NSMCE2: variants seen among roughly 807,000 people sequenced by gnomAD.
NSMCE2 encodes the protein NSE2 SUMO ligase component of SMC5/6 complex.
NSMCE2 carries 24 observed loss-of-function variants against 23.8 expected under a neutral mutation model. The ratio of observed to expected loss-of-function variants is 1.01; its 90% CI spans 0.73 to 1.42. The LOEUF (loss-of-function observed/expected upper bound fraction) is 1.42. NSMCE2 is among the 40% of genes most tolerant of loss of function. NSMCE2 has a pLI of 0.00. For missense variants in NSMCE2, 284 were observed against 296.5 expected (o/e 0.96, Z 0.31); for synonymous variants, 92 against 94.1 (o/e 0.98, Z 0.13).
chr8:125,314,175 C>A (rs1329842993), intron 5 of NSMCE2, among the ~76,000 whole-genome samples: 1 of 152,190 alleles, frequency 6.6e-6, no homozygotes, highest in Admixed American at 6.5e-5. Context: ...AAGCAGCAGG[C>A]CAATTCCTCC....
At chr8:125,216,722 A>T (rs1181755779) in intron 5 of NSMCE2, among the ~76,000 whole-genome samples, 1 of 151,456 alleles carries the variant, frequency 6.6e-6, no homozygotes, top group Non-Finnish European at 1.5e-5. Context: ...TGTCTGAAAA[A>T]TCTCCTGCTT....
In NSMCE2 at chr8:125,304,958, A is replaced by AG. The variant is rs1342639304; in HGVS notation, c.419-52260dup. The stretch of plus-strand genomic sequence containing the variant: ...AAGAAAGGAAGGAAGGAAGGAAGGA[A>AG]GAAAGAAAGAAAAAGGAAAGGAAAG... On this transcript the variant is annotated intron_variant, in intron 5 of 7. Transcript: ENST00000287437. Among the ~76,000 whole-genome samples, 73 of 26,528 alleles carry AG rather than the reference A, an allele frequency of 2.8e-3. No individual in the cohort carries two copies. In the African/African-American group the frequency reaches 0.034, roughly 12 times the overall value. The allele number at this position is 26,528 out of a possible 152,430, so 17.4% of individuals were successfully genotyped here. A position where few individuals can be genotyped will look rare whatever the true frequency, so the allele number is the denominator to read the frequency against.
At chr8:125,144,485 C>T (rs1321272589) in intron 3 of NSMCE2, among the ~76,000 whole-genome samples, 1 of 152,188 alleles carries the variant, frequency 6.6e-6, no homozygotes, top group Non-Finnish European at 1.5e-5. Context: ...AGACCTTAGA[C>T]AATGCTGGAA....
intron 5 of NSMCE2, among the ~76,000 whole-genome samples, chr8:125,349,287 C>T (rs1230230514): frequency 3.9e-5 from 6 of 152,124 alleles, no homozygotes; most frequent in African/African-American, 1.4e-4. Context: ...TAGCGTGACC[C>T]CCAAATTTTC....
chr8:125,184,568 T>C (rs1822999948), intron 5 of NSMCE2, among the ~76,000 whole-genome samples: 1 of 152,064 alleles, frequency 6.6e-6, no homozygotes, highest in Non-Finnish European at 1.5e-5. Context: ...TTTTAAAAAG[T>C]TTTTAGATTT....
At chr8:125,330,783 C>T (rs921222466) in intron 5 of NSMCE2, among the ~76,000 whole-genome samples, 5 of 152,156 alleles carry the variant, frequency 3.3e-5, no homozygotes, top group Non-Finnish European at 5.9e-5. Flanking sequence ...GATCACCCAA[C>T]ATTGCCTCCC....
chr8:125,216,047 A>G (rs964866404), intron 5 of NSMCE2, among the ~76,000 whole-genome samples: 1 of 152,062 alleles, frequency 6.6e-6, no homozygotes, highest in Non-Finnish European at 1.5e-5. Context: ...GCAAGACTAT[A>G]TCTGTCTCTT....
At chr8:125,164,605 A>G (rs1210423770) in intron 4 of NSMCE2, among the ~76,000 whole-genome samples, 1 of 152,208 alleles carries the variant, frequency 6.6e-6, no homozygotes, top group Non-Finnish European at 1.5e-5. Context: ...GAAGCAAAGA[A>G]TACTGTTATA....
chr8:125,355,477 A>G (rs1301355022), intron 5 of NSMCE2, among the ~76,000 whole-genome samples: 1 of 152,186 alleles, frequency 6.6e-6, no homozygotes, highest in Non-Finnish European at 1.5e-5. Context: ...AGGCGGGCAG[A>G]TCACCTGAGG....
At chr8:125,123,192 T>C (rs1181102323) in intron 3 of NSMCE2, among the ~76,000 whole-genome samples, 1 of 152,206 alleles carries the variant, frequency 6.6e-6, no homozygotes, top group African/African-American at 2.4e-5. Flanking sequence ...GAGTACGATA[T>C]AAGCCTTGAC....
chr8:125,166,064 C>T (rs1287899842), intron 4 of NSMCE2, among the ~76,000 whole-genome samples: 3 of 152,078 alleles, frequency 2.0e-5, no homozygotes, highest in African/African-American at 7.2e-5. Flanking sequence ...AGCCTCATAT[C>T]CTTGGATTGC....
chr8:125,282,904 T>G (rs11985468), intron 5 of NSMCE2, among the ~76,000 whole-genome samples: 4,793 of 152,322 alleles, frequency 0.031, 223 homozygotes, highest in African/African-American at 0.11. Context: ...GGATGGAAAC[T>G]ATGAGAATCG....
At chr8:125,186,820 A>G (rs2130815359) in intron 5 of NSMCE2, among the ~76,000 whole-genome samples, 1 of 152,336 alleles carries the variant, frequency 6.6e-6, no homozygotes, top group East Asian at 1.9e-4. Flanking sequence ...TACCATCCCC[A>G]GAATACAAAC....
chr8:125,315,462 G>A (rs566401554), intron 5 of NSMCE2, among the ~76,000 whole-genome samples: 16 of 152,276 alleles, frequency 1.1e-4, no homozygotes, highest in African/African-American at 3.1e-4. Context: ...GTCATCTTGC[G>A]TGTCAAAACC....
chr8:125,221,182 A>AG (rs1824843623), intron 5 of NSMCE2, among the ~76,000 whole-genome samples: 2 of 152,230 alleles, frequency 1.3e-5, no homozygotes, highest in African/African-American at 2.4e-5. Context: ...TGTAAACTAA[A>AG]GGGGATAGTC....
Position 125,347,351 on chromosome 8 carries a change from G to A in NSMCE2, c.419-9868G>A, listed in dbSNP as rs370877320. On this transcript the variant is annotated intron_variant, in intron 5 of 7. Transcript: ENST00000287437. ...TCTTCTTATCACACCTCCCTGGAGA[G>A]CCTGGCTGAGTCATTACCTTCTTCT... 3.3e-5 allele frequency among the ~76,000 whole-genome samples: 5 copies of A among 152,080 alleles called. No individual in the cohort carries two copies. In the East Asian group the frequency reaches 9.6e-4, roughly 29 times the overall value.
chr8:125,352,109 G>A (rs1813059700), intron 5 of NSMCE2, among the ~76,000 whole-genome samples: 1 of 152,154 alleles, frequency 6.6e-6, no homozygotes, highest in African/African-American at 2.4e-5. Flanking sequence ...AGGAGTAAAT[G>A]AAATAATGTA....
chr8:125,137,485 G>C (rs1056786346), intron 3 of NSMCE2, among the ~76,000 whole-genome samples: 1 of 152,170 alleles, frequency 6.6e-6, no homozygotes, highest in African/African-American at 2.4e-5. Context: ...CCACATGCAA[G>C]CTAAAGGTAA....
intron 3 of NSMCE2, chr8:125,130,338 G>C (rs1189165526): frequency 4.5e-6 from 2 of 448,522 alleles, no homozygotes; most frequent in Non-Finnish European, 8.9e-6. Flanking sequence ...TGTTTGTCAA[G>C]TTTCTTTACT....
Sources: allele counts gnomAD v4.1 joint callset (sites outside exome capture counted in the v4.1 genomes callset), GRCh38; gene constraint gnomAD v4.1.1; transcripts MANE v1.5; gene names NCBI Gene and HGNC (gene_info 2026-07-23, HGNC 2026-07-21).